Variants in C2orf76 observed in about 807,000 individuals in gnomAD.
C2orf76 encodes the protein UPF0538 protein C2orf76.
C2orf76 carries 23 observed loss-of-function variants against 16.9 expected under a neutral mutation model. The ratio of observed to expected loss-of-function variants is 1.36; its 90% CI spans 0.98 to 1.93. The LOEUF is 1.93. C2orf76 is among the 30% of genes most tolerant of loss of function. C2orf76 has a pLI of 0.00. For synonymous variants in C2orf76, 48 were observed against 52.3 expected (o/e 0.92, Z 0.35); for missense variants, 152 against 152.6 (o/e 1.00, Z 0.02).
At chr2:119,316,235 G>A (rs1679170337) in intron 4 of C2orf76, among the ~76,000 whole-genome samples, 1 of 152,192 alleles carries the variant, frequency 6.6e-6, no homozygotes, top group South Asian at 2.1e-4. Context: ...CAAATATGGT[G>A]GCCACACATT....
chr2:119,347,570 G>C (rs143264628), intron 1 of C2orf76, among the ~76,000 whole-genome samples: 28 of 152,090 alleles, frequency 1.8e-4, no homozygotes, highest in Non-Finnish European at 3.4e-4. Context: ...TAGAAGCGTA[G>C]ATTAAAAAAA....
the C2orf76 span, among the ~76,000 whole-genome samples, chr2:119,285,278 G>A: frequency 3.3e-5 from 5 of 152,032 alleles, no homozygotes; most frequent in African/African-American, 1.2e-4. Flanking sequence ...CGATAGTCTC[G>A]GCACAAAGTG....
At chr2:119,338,371 A>G (rs1679917428) in intron 2 of C2orf76, among the ~76,000 whole-genome samples, 1 of 152,276 alleles carries the variant, frequency 6.6e-6, no homozygotes, top group Non-Finnish European at 1.5e-5. Flanking sequence ...AGACAGCACA[A>G]GAGAATCCAC....
chr2:119,333,402 C>G (rs537679015), intron 2 of C2orf76, among the ~76,000 whole-genome samples: 1 of 152,302 alleles, frequency 6.6e-6, no homozygotes, highest in African/African-American at 2.4e-5. Flanking sequence ...ACTCCATAGA[C>G]TACTTATAAA....
chr2:119,320,992 C>T (rs955554920), intron 3 of C2orf76, among the ~76,000 whole-genome samples, 162 bp downstream of exon 3: 3 of 152,160 alleles, frequency 2.0e-5, no homozygotes, highest in Non-Finnish European at 4.4e-5. Context: ...CTTACTATTA[C>T]AATTCATTTC....
At chr2:119,296,176 G>A in the C2orf76 span, among the ~76,000 whole-genome samples, 4 of 152,192 alleles carry the variant, frequency 2.6e-5, no homozygotes, top group South Asian at 2.1e-4. Flanking sequence ...GCCATGAGAT[G>A]CATACTGTGG....
intron 2 of C2orf76, among the ~76,000 whole-genome samples, chr2:119,328,472 C>T (rs1328532791): frequency 1.3e-5 from 2 of 152,132 alleles, no homozygotes; most frequent in African/African-American, 4.8e-5. Context: ...ACAACTGTCA[C>T]TCCTGATACT....
chr2:119,299,320 C>T (rs1678582211), downstream of C2orf76, among the ~76,000 whole-genome samples: 1 of 152,192 alleles, frequency 6.6e-6, no homozygotes, highest in South Asian at 2.1e-4. Context: ...CTTTCCCTTG[C>T]TAATTTTTAT....
chr2:119,332,564 T>C (rs1679709898), intron 2 of C2orf76, among the ~76,000 whole-genome samples: 1 of 152,206 alleles, frequency 6.6e-6, no homozygotes, highest in African/African-American at 2.4e-5. Flanking sequence ...TATTATTTTT[T>C]TTAACTAAGT....
intron 1 of C2orf76, among the ~76,000 whole-genome samples, chr2:119,359,707 ATC>A (rs772628609): frequency 6.6e-5 from 10 of 152,228 alleles, no homozygotes; most frequent in Non-Finnish European, 1.5e-4. Context: ...AACTGCTGCA[ATC>A]TCATAATAAA....
Position 119,317,496 on chromosome 2 carries a change from T to C in C2orf76, c.192A>G (p.Leu64=), listed in dbSNP as rs1649365144. 6.2e-7 allele frequency: 1 copy of C among 1,606,108 alleles called. No homozygotes were observed. Among genetic ancestry groups the C allele is most frequent in the African/African-American group, 1.3e-5 (1 of 74,806 alleles). ...ATTTATGTGCTTGATGAATAATCTT[T>C]AGTGCATCTGAAAGAAAAAAGCAAG... is the stretch of plus-strand genomic sequence containing the variant. The part of the protein sequence containing the change: ...PPFRNYKYDA[L]KIIHQAHKSK... Residue 64 remains leucine (L), a synonymous_variant, in exon 4 of 6, where the codon CTA becomes CTG. Transcript: ENST00000334816.
At chr2:119,324,198 C>T (rs1283288583) in intron 2 of C2orf76, among the ~76,000 whole-genome samples, 3 of 152,136 alleles carry the variant, frequency 2.0e-5, no homozygotes, top group South Asian at 2.1e-4. Flanking sequence ...GAGATGTCTA[C>T]GACTGAAGAA....
chr2:119,303,875 A>C (rs1678691354), intron 5 of C2orf76, among the ~76,000 whole-genome samples: 1 of 152,170 alleles, frequency 6.6e-6, no homozygotes, highest in Non-Finnish European at 1.5e-5. Context: ...ACCTCGCATG[A>C]CAAGGAGCCT....
the C2orf76 span, among the ~76,000 whole-genome samples, chr2:119,293,619 T>C: frequency 2.6e-5 from 4 of 152,004 alleles, no homozygotes; most frequent in African/African-American, 7.3e-5. Flanking sequence ...TGAAACCCAG[T>C]TGGAAGGAAG....
rs554097992 is a variant in C2orf76, at chr2:119,361,299, T to C, written c.-13+5491A>G. ...GTAAACACTCACACTTTTATTACAA[T>C]ATATGGTGATAACTGTTCAATTTTA... On this transcript the variant is annotated intron_variant, in intron 1 of 5. Transcript: ENST00000334816. Among the ~76,000 whole-genome samples, 3 of 152,342 alleles carry C rather than the reference T, an allele frequency of 2.0e-5. No individual in the cohort carries two copies. The East Asian group carries it at 5.8e-4, about 29-fold the overall frequency.
chr2:119,308,571 G>A (rs1232430561), intron 5 of C2orf76, among the ~76,000 whole-genome samples: 1 of 152,200 alleles, frequency 6.6e-6, no homozygotes, highest in East Asian at 1.9e-4. Context: ...AACCCAGGAG[G>A]TGGAGGCTGC....
At chr2:119,328,388 C>CCA (rs1679575559) in intron 2 of C2orf76, among the ~76,000 whole-genome samples, 1 of 151,982 alleles carries the variant, frequency 6.6e-6, no homozygotes, top group African/African-American at 2.4e-5. Context: ...GGATACTGTA[C>CCA]TTATTAGCAT....
intron 1 of C2orf76, among the ~76,000 whole-genome samples, chr2:119,347,539 C>G (rs746928299): frequency 1.6e-4 from 25 of 151,908 alleles, no homozygotes; most frequent in Non-Finnish European, 3.1e-4. Context: ...TTCAAATACC[C>G]TAGCAGAGGA....
the C2orf76 span, among the ~76,000 whole-genome samples, chr2:119,289,811 C>A: frequency 6.6e-6 from 1 of 152,010 alleles, no homozygotes; most frequent in South Asian, 2.1e-4. Context: ...CCGCTCGTAG[C>A]CCCAACTCAG....
Sources: allele counts gnomAD v4.1 joint callset (sites outside exome capture counted in the v4.1 genomes callset), GRCh38; gene constraint gnomAD v4.1.1; transcripts MANE v1.5; gene names NCBI Gene and HGNC (gene_info 2026-07-23, HGNC 2026-07-21).